SPATA6: variants seen among roughly 807,000 people sequenced by gnomAD.
SPATA6 encodes the protein spermatogenesis associated 6.
SPATA6 carries 56 observed loss-of-function variants against 65.3 expected under a neutral mutation model. That is an observed-to-expected ratio of 0.86 (90% CI 0.69 to 1.07). SPATA6 has a LOEUF of 1.07. Ranked by LOEUF, SPATA6 falls within the 50% of genes least tolerant of loss-of-function variation. The pLI is 0.00. For missense variants in SPATA6, 590 were observed against 594.8 expected, an observed-to-expected ratio of 0.99 and a Z score of 0.08; for synonymous variants, 199 against 213.2, an observed-to-expected ratio of 0.93 and a Z score of 0.58.
At chr1:48,360,387 G>A (rs747316575) in intron 9 of SPATA6, among the ~76,000 whole-genome samples, 26 of 152,100 alleles carry the variant, frequency 1.7e-4, no homozygotes, top group Non-Finnish European at 5.9e-5. Context: ...GCGATGGAAA[G>A]ATTATGCAGG....
rs540138937 is a variant in SPATA6 at position 48,381,375 on chromosome 1, T to A, written c.909+3934A>T. Among the ~76,000 whole-genome samples the A allele has an allele frequency of 2.6e-5, 4 of 152,302 alleles. No homozygotes were observed. In the East Asian group the frequency reaches 5.8e-4, roughly 22 times the overall value. On this transcript the variant is annotated intron_variant, in intron 9 of 12. Transcript: ENST00000371847. ...AAATAGAAAATTCCAGTCTCCATACTCAGCAATTTCAATTTAGTAGGCTTA... is the reference window on the plus strand; with the variant it reads ...AAATAGAAAATTCCAGTCTCCATACACAGCAATTTCAATTTAGTAGGCTTA...
At chr1:48,337,458 A>G (rs1358894555) in intron 11 of SPATA6, among the ~76,000 whole-genome samples, 5 of 151,890 alleles carry the variant, frequency 3.3e-5, no homozygotes, top group Non-Finnish European at 7.4e-5. Context: ...TTTCATGTTG[A>G]ATAAGACAAG....
Position 48,360,348 on chromosome 1 carries a change from A to G in SPATA6, c.910-578T>C, listed in dbSNP as rs12026271. 0.02 allele frequency among the ~76,000 whole-genome samples: 2,997 copies of G among 152,270 alleles called. 121 individuals carry two copies. The East Asian group carries it at 0.2, about 10-fold the overall frequency. ...GTGTTACAGGATATTAAGTAACATG[A>G]GAAGCAGGGGGGTTAAGTGCTGATG... On this transcript the variant is annotated intron_variant, in intron 9 of 12. Coordinates refer to ENST00000371847, the MANE Select transcript of SPATA6 (RefSeq NM_019073.4).
At chr1:48,291,539 T>TCC (rs1176580263), downstream of SPATA6, among the ~76,000 whole-genome samples, 2 of 151,704 alleles carry the variant, frequency 1.3e-5, no homozygotes, top group African/African-American at 2.4e-5. Context: ...CTCAACCAGC[T>TCC]CCCACACAGC....
chr1:48,300,014 T>TGGGA (rs965585026), intron 12 of SPATA6, among the ~76,000 whole-genome samples: 1 of 151,122 alleles, frequency 6.6e-6, no homozygotes, highest in Non-Finnish European at 1.5e-5. Context: ...AAAAAGAAGG[T>TGGGA]GGGAGAGAGA....
At chr1:48,293,688 T>G (rs773690393), downstream of SPATA6, among the ~76,000 whole-genome samples, 4 of 152,238 alleles carry the variant, frequency 2.6e-5, no homozygotes, top group Non-Finnish European at 5.9e-5. Flanking sequence ...TGTGTTAGCT[T>G]ATTTCCTTCT....
the SPATA6 span, among the ~76,000 whole-genome samples, chr1:48,272,578 A>T: frequency 6.6e-6 from 1 of 152,086 alleles, no homozygotes; most frequent in Admixed American, 6.6e-5. Flanking sequence ...TTTATTTTCC[A>T]TTCATCCATT....
chr1:48,385,203 C>G (rs912850693), intron 9 of SPATA6, 106 bp downstream of exon 9: 14 of 988,194 alleles, frequency 1.4e-5, no homozygotes, highest in Non-Finnish European at 1.9e-5. Context: ...ACATTTTTTA[C>G]TAAATGAATT....
chr1:48,375,411 G>A (rs1387049925), intron 9 of SPATA6, among the ~76,000 whole-genome samples: 1 of 152,060 alleles, frequency 6.6e-6, no homozygotes, highest in Non-Finnish European at 1.5e-5. Context: ...TTTTGAGCCA[G>A]GCCCAAAGAC....
In SPATA6 at chr1:48,453,048, T is replaced by G; in HGVS notation, c.135A>C (p.Gln45His). 1 of 1,614,096 alleles carries G rather than the reference T, an allele frequency of 6.2e-7. No homozygotes were observed. Among genetic ancestry groups the G allele is most frequent in the Middle Eastern group, 1.6e-4 (1 of 6,062 alleles). The change falls in exon 2 of 13, where the codon CAA becomes CAC. Residue 45 changes from glutamine to histidine, a missense_variant. Gln to His is a conservative substitution (Grantham distance 24, BLOSUM62 0). Coordinates refer to ENST00000371847, the MANE Select transcript of SPATA6 (RefSeq NM_019073.4). ...CCAGGGGAAAAGTGGCTGGGACACA[T>G]TGTGTCTTTTTGTATTGGCCAAACA... The part of the protein sequence containing the change: ...ICVFGQYKKT[Q>H]CVPATFPLVF...
intron 11 of SPATA6, among the ~76,000 whole-genome samples, chr1:48,331,346 C>T (rs1026026046): frequency 6.6e-6 from 1 of 151,002 alleles, no homozygotes; most frequent in Non-Finnish European, 1.5e-5. Context: ...ATCACAGGAG[C>T]TGACAGAAAA....
chr1:48,411,511 G>A lies in SPATA6; in HGVS notation c.358C>T (p.His120Tyr). 1 of 1,610,438 alleles carries A rather than the reference G, an allele frequency of 6.2e-7. No individual in the cohort carries two copies. The highest frequency in any genetic ancestry group is 8.5e-7 in the Non-Finnish European group (1 of 1,178,340). The change falls in exon 5 of 13, where the codon CAT (histidine) becomes TAT (tyrosine). Residue 120 changes from histidine (H) to tyrosine (Y), a missense_variant. By Grantham distance (83) the His-to-Tyr change is moderately conservative. Transcript: ENST00000371847. ...FPGPNQMSGH[H>Y]DSNRQVTMRR... ...ATGGTAACCTGGCGGTTTGAATCAT[G>A]GTGTCCAGACATTTGGTTTGGACCC... is the stretch of plus-strand genomic sequence containing the variant.
At chr1:48,398,822 G>A (rs1180705166) in intron 7 of SPATA6, among the ~76,000 whole-genome samples, 1 of 151,732 alleles carries the variant, frequency 6.6e-6, no homozygotes, top group East Asian at 1.9e-4. Flanking sequence ...ACTAGAACTA[G>A]GTTACCCTTA....
intron 11 of SPATA6, among the ~76,000 whole-genome samples, chr1:48,350,149 A>G (rs888104389): frequency 3.3e-5 from 5 of 151,668 alleles, no homozygotes; most frequent in African/African-American, 1.2e-4. Context: ...ATGGTGGTAT[A>G]TCATTATGGT....
intron 10 of SPATA6, among the ~76,000 whole-genome samples, chr1:48,357,414 T>A (rs2148812136): frequency 1.3e-5 from 2 of 152,244 alleles, no homozygotes; most frequent in African/African-American, 2.4e-5. Context: ...TTCATTTGAT[T>A]AAAGCCATTG....
intron 3 of SPATA6, among the ~76,000 whole-genome samples, chr1:48,433,097 A>G (rs1179518589): frequency 6.6e-6 from 1 of 152,214 alleles, no homozygotes; most frequent in Non-Finnish European, 1.5e-5. Context: ...TCATAGAGAC[A>G]GAAAACAGAA....
chr1:48,455,264 TA>T (rs928924102), intron 1 of SPATA6, among the ~76,000 whole-genome samples: 1 of 152,062 alleles, frequency 6.6e-6, no homozygotes, highest in South Asian at 2.1e-4. Flanking sequence ...TAAGACTCAG[TA>T]AAAAAAATCT....
chr1:48,323,311 C>T (rs775766254), intron 11 of SPATA6, among the ~76,000 whole-genome samples: 1 of 151,330 alleles, frequency 6.6e-6, no homozygotes, highest in Non-Finnish European at 1.5e-5. Context: ...AGTAAAATAA[C>T]ACAAGAAGAG....
chr1:48,315,943 C>G (rs1188000731), intron 11 of SPATA6, among the ~76,000 whole-genome samples: 1 of 152,130 alleles, frequency 6.6e-6, no homozygotes, highest in Non-Finnish European at 1.5e-5. Flanking sequence ...ACAACTGCTT[C>G]AAAGAGAATA....
Sources: gnomAD v4.1 joint callset for allele counts (sites outside exome capture counted in the v4.1 genomes callset) on GRCh38, gnomAD v4.1.1 for gene constraint, MANE v1.5 for transcripts, NCBI Gene and HGNC (gene_info 2026-07-23, HGNC 2026-07-21) for gene names.